Variants in NEK7 observed in about 807,000 individuals in gnomAD.
NEK7 encodes the protein serine/threonine-protein kinase Nek7.
In NEK7, 18 loss-of-function variants were observed where a neutral mutation model predicts 44.6. The observed-to-expected ratio is 0.40, with a 90% CI of 0.28 to 0.60. The LOEUF is 0.60. Among genes scored for constraint, NEK7 ranks in the 20% least tolerant of loss-of-function variants. The pLI, the probability that NEK7 is intolerant of heterozygous loss-of-function variation, is 0.38. For missense variants in NEK7, 256 were observed against 366.5 expected, an observed-to-expected ratio of 0.70 and a Z score of 2.46; for synonymous variants, 130 against 121.1, an observed-to-expected ratio of 1.07 and a Z score of -0.48.
chr1:198,256,985 G>A (rs915878619), intron 3 of NEK7, among the ~76,000 whole-genome samples: 1 of 151,984 alleles, frequency 6.6e-6, no homozygotes, highest in African/African-American at 2.4e-5. Flanking sequence ...TGTGAATTTT[G>A]GGTCTCACTG....
chr1:198,261,381 C>T (rs763583534), intron 3 of NEK7, among the ~76,000 whole-genome samples: 17 of 151,926 alleles, frequency 1.1e-4, no homozygotes, highest in Non-Finnish European at 1.5e-4. Context: ...CCTCAATCCT[C>T]ATCTTGTTAT....
intron 9 of NEK7, among the ~76,000 whole-genome samples, chr1:198,317,891 T>TTG (rs1558109642): frequency 6.8e-6 from 1 of 146,446 alleles, no homozygotes; most frequent in African/African-American, 2.5e-5. Context: ...TTTTTTTTTT[T>TTG]TTTTTTTTTG....
intron 2 of NEK7, among the ~76,000 whole-genome samples, chr1:198,249,335 G>C (rs895066218): frequency 3.3e-5 from 5 of 152,064 alleles, no homozygotes; most frequent in Non-Finnish European, 7.4e-5. Flanking sequence ...GTTGGGAATA[G>C]TGCTGCAATA....
Position 198,227,185 on chromosome 1 carries a change from A to G in NEK7, c.-28-5368A>G, listed in dbSNP as rs550886410. 2.6e-5 allele frequency among the ~76,000 whole-genome samples: 4 copies of G among 152,310 alleles called. No individual in the cohort carries two copies. In the East Asian group the frequency reaches 7.7e-4, roughly 29 times the overall value. The stretch of plus-strand genomic sequence containing the variant: ...TTTCCAGCTTCATCCGTGTCCCTAC[A>G]AAGGACATGAACTCATCCTTTTTTA... On this transcript the variant is annotated intron_variant, in intron 1 of 9. Transcript: ENST00000367385.
At chr1:198,165,779 A>G (rs1420796577) in intron 1 of NEK7, among the ~76,000 whole-genome samples, 3 of 152,228 alleles carry the variant, frequency 2.0e-5, no homozygotes, top group African/African-American at 7.2e-5. Context: ...GAAGCCAGGC[A>G]TTGACCTCTC....
intron 1 of NEK7, among the ~76,000 whole-genome samples, chr1:198,193,747 C>A (rs61488504): frequency 0.15 from 22,633 of 152,032 alleles, 1,859 homozygotes; most frequent in East Asian, 0.22. Context: ...AATTCAGTAT[C>A]CCTTCATGTT....
At chr1:198,192,921 C>G (rs1275395139) in intron 1 of NEK7, among the ~76,000 whole-genome samples, 2 of 151,748 alleles carry the variant, frequency 1.3e-5, no homozygotes, top group South Asian at 2.1e-4. Flanking sequence ...CAAGAGCAAA[C>G]AAACCCCAAA....
intron 1 of NEK7, among the ~76,000 whole-genome samples, chr1:198,212,526 C>T (rs1052020445): frequency 9.8e-5 from 15 of 152,300 alleles, no homozygotes; most frequent in African/African-American, 3.4e-4. Context: ...AACATTACCC[C>T]GCCAGCAGCC....
At chr1:198,279,546 T>A (rs543637480) in intron 7 of NEK7, among the ~76,000 whole-genome samples, 49 of 152,070 alleles carry the variant, frequency 3.2e-4, no homozygotes, top group South Asian at 2.3e-3. Flanking sequence ...ATAGGGCTTA[T>A]CTTAAAACTC....
chr1:198,171,877 C>A (rs938278577), intron 1 of NEK7, among the ~76,000 whole-genome samples: 5 of 152,142 alleles, frequency 3.3e-5, no homozygotes, highest in Non-Finnish European at 5.9e-5. Flanking sequence ...CTCTACAAGG[C>A]CTGCCTGACC....
At chr1:198,284,290 AT>A (rs549971568) in intron 7 of NEK7, among the ~76,000 whole-genome samples, 2 of 152,028 alleles carry the variant, frequency 1.3e-5, no homozygotes, top group Non-Finnish European at 2.9e-5. Context: ...TCCTTGTGAC[AT>A]TTTTTCTTTC....
chr1:198,297,799 A>G (rs1046424138), intron 9 of NEK7, among the ~76,000 whole-genome samples: 1 of 152,140 alleles, frequency 6.6e-6, no homozygotes, highest in Non-Finnish European at 1.5e-5. Flanking sequence ...CTCAGATTCT[A>G]CTGGGGAAAT....
chr1:198,268,332 C>T (rs1232400276), intron 5 of NEK7, among the ~76,000 whole-genome samples: 1 of 149,376 alleles, frequency 6.7e-6, no homozygotes, highest in Non-Finnish European at 1.5e-5. Flanking sequence ...TCCCATGTTC[C>T]CTAACTCGAG....
chr1:198,288,252 C>G (rs1654439986), intron 7 of NEK7, among the ~76,000 whole-genome samples: 1 of 152,184 alleles, frequency 6.6e-6, no homozygotes, highest in Non-Finnish European at 1.5e-5. Flanking sequence ...TCAATCCCTT[C>G]TTAAGTAATT....
In NEK7 at chr1:198,233,074, G is replaced by A. The variant is rs146555316; in HGVS notation, c.57+437G>A. On this transcript the variant is annotated intron_variant, in intron 2 of 9. Transcript: ENST00000367385. Reference sequence around the variant, plus strand: ...CTGTAAGCTCTGAGCGTTAGTATTAGGTTTAGGGAAGGAAGAGGAAAAAAA... The same window carrying A: ...CTGTAAGCTCTGAGCGTTAGTATTAAGTTTAGGGAAGGAAGAGGAAAAAAA... 2.8e-3 allele frequency among the ~76,000 whole-genome samples: 415 copies of A among 149,716 alleles called. 3 individuals are homozygous for A. The highest frequency in any genetic ancestry group is 9.6e-3 in the African/African-American group (394 of 41,070).
intron 5 of NEK7, among the ~76,000 whole-genome samples, chr1:198,271,854 T>C (rs1653854220): frequency 6.7e-6 from 1 of 149,472 alleles, no homozygotes; most frequent in Admixed American, 6.7e-5. Context: ...CTGAAAAAAC[T>C]ACCCAGGATT....
chr1:198,299,441 G>T (rs4564172), intron 9 of NEK7, among the ~76,000 whole-genome samples: 1 of 152,296 alleles, frequency 6.6e-6, no homozygotes, highest in Admixed American at 6.5e-5. Flanking sequence ...AGTAAAGTAG[G>T]CTTTTTAGAT....
intron 1 of NEK7, among the ~76,000 whole-genome samples, chr1:198,176,994 G>A (rs778533276): frequency 1.3e-5 from 2 of 152,072 alleles, no homozygotes; most frequent in Non-Finnish European, 2.9e-5. Context: ...TAGGAGGCAG[G>A]TTATGTCCAG....
chr1:198,225,826 C>A (rs1282949616), intron 1 of NEK7, among the ~76,000 whole-genome samples: 2 of 152,092 alleles, frequency 1.3e-5, no homozygotes, highest in African/African-American at 2.4e-5. Flanking sequence ...TCAGGCAGCA[C>A]CTTCTTTGGG....
Sources: gnomAD v4.1 joint callset for allele counts (sites outside exome capture counted in the v4.1 genomes callset) on GRCh38, gnomAD v4.1.1 for gene constraint, MANE v1.5 for transcripts, NCBI Gene and HGNC (gene_info 2026-07-23, HGNC 2026-07-21) for gene names.